Variants in CPQ observed in about 807,000 individuals in gnomAD.
CPQ encodes the protein Ser-Met dipeptidase.
In CPQ, 37 loss-of-function variants were observed where a neutral mutation model predicts 45.7. The ratio of observed to expected loss-of-function variants is 0.81; its 90% CI spans 0.62 to 1.07. The LOEUF (loss-of-function observed/expected upper bound fraction) is 1.07, where lower values mean the gene tolerates loss of function less well. Ranked by LOEUF, CPQ falls within the 50% of genes least tolerant of loss-of-function variation. CPQ has a pLI of 0.00. For synonymous variants in CPQ, 186 were observed against 205.8 expected (o/e 0.90, Z 0.82); for missense variants, 537 against 572.9 (o/e 0.94, Z 0.64).
At chr8:97,061,836 A>G (rs1394067199) in intron 6 of CPQ, among the ~76,000 whole-genome samples, 1 of 152,134 alleles carries the variant, frequency 6.6e-6, no homozygotes, top group East Asian at 1.9e-4. Flanking sequence ...GTTATGCCCT[A>G]GCCTTTACAA....
chr8:97,096,058 G>C (rs1811206213), intron 7 of CPQ, among the ~76,000 whole-genome samples: 1 of 151,556 alleles, frequency 6.6e-6, no homozygotes. Context: ...TGGTGGGGAT[G>C]ATGATGATGA....
intron 7 of CPQ, among the ~76,000 whole-genome samples, chr8:97,141,234 T>G (rs898750855): frequency 6.6e-6 from 1 of 151,832 alleles, no homozygotes; most frequent in African/African-American, 2.4e-5. Context: ...AAACACACAC[T>G]AAACAGGGTA....
Position 96,872,649 on chromosome 8 carries a change from TG to T in CPQ, c.642-7147del, listed in dbSNP as rs1285758545. 5.3e-5 allele frequency among the ~76,000 whole-genome samples: 8 copies of T among 151,890 alleles called. 1 individual carries two copies. Among genetic ancestry groups the T allele is most frequent in the Non-Finnish European group, 1.0e-4 (7 of 67,850 alleles). ...TGCAAATAAAAGAAAACTCGACTAA[TG>T]GTGGTTGTATTAGTCAGGACTATCC... On this transcript the variant is annotated intron_variant, in intron 3 of 7. Transcript: ENST00000220763.
At chr8:96,747,800 C>T (rs1193552019) in intron 1 of CPQ, among the ~76,000 whole-genome samples, 1 of 152,158 alleles carries the variant, frequency 6.6e-6, no homozygotes, top group African/African-American at 2.4e-5. Context: ...TGCTGGACTC[C>T]ATCTAGGCCT....
intron 4 of CPQ, among the ~76,000 whole-genome samples, chr8:96,944,684 T>C (rs1813166721): frequency 6.6e-6 from 1 of 152,156 alleles, no homozygotes; most frequent in Non-Finnish European, 1.5e-5. Context: ...TAATTTCCAG[T>C]GCACATGTGG....
At chr8:96,751,631 C>G (rs942771004) in intron 1 of CPQ, among the ~76,000 whole-genome samples, 7 of 152,130 alleles carry the variant, frequency 4.6e-5, no homozygotes, top group African/African-American at 1.7e-4. Context: ...TGCAGAAGCT[C>G]TTTAGTTTAA....
At chr8:96,885,377 GA>G (rs1485601644) in intron 4 of CPQ, among the ~76,000 whole-genome samples, 1 of 152,154 alleles carries the variant, frequency 6.6e-6, no homozygotes, top group East Asian at 1.9e-4. Context: ...TTGCATTGGG[GA>G]TTAAGTTCTC....
intron 2 of CPQ, among the ~76,000 whole-genome samples, chr8:96,794,506 T>A (rs1810898922): frequency 6.6e-6 from 1 of 152,212 alleles, no homozygotes; most frequent in South Asian, 2.1e-4. Flanking sequence ...AGGAGCTGCC[T>A]GAAGACCTCT....
intron 3 of CPQ, among the ~76,000 whole-genome samples, chr8:96,858,534 A>T (rs899106779): frequency 5.9e-5 from 9 of 152,204 alleles, no homozygotes; most frequent in African/African-American, 2.2e-4. Context: ...CATAACCAGA[A>T]TCACCACTGC....
At chr8:96,876,379 A>G (rs1444217921) in intron 3 of CPQ, among the ~76,000 whole-genome samples, 1 of 152,124 alleles carries the variant, frequency 6.6e-6, no homozygotes, top group Non-Finnish European at 1.5e-5. Flanking sequence ...ATCTGTGAAA[A>G]GAGATACTTT....
chr8:97,003,678 C>A (rs1809327698), intron 5 of CPQ, among the ~76,000 whole-genome samples: 1 of 152,082 alleles, frequency 6.6e-6, no homozygotes, highest in South Asian at 2.1e-4. Context: ...CCATAAGGGT[C>A]TAAGATAAGC....
At chr8:96,691,297 C>A (rs1420089837) in intron 1 of CPQ, among the ~76,000 whole-genome samples, 1 of 152,126 alleles carries the variant, frequency 6.6e-6, no homozygotes, top group African/African-American at 2.4e-5. Context: ...TATGTTCTGT[C>A]TTCTCTTCTG....
intron 3 of CPQ, among the ~76,000 whole-genome samples, chr8:96,868,242 T>G (rs531976131): frequency 2.0e-5 from 3 of 152,164 alleles, no homozygotes; most frequent in African/African-American, 7.2e-5. Context: ...GAGTGAAATC[T>G]TAGGGGCTGT....
intron 4 of CPQ, among the ~76,000 whole-genome samples, chr8:96,915,445 A>C (rs982082061): frequency 1.3e-5 from 2 of 152,236 alleles, no homozygotes; most frequent in Non-Finnish European, 2.9e-5. Context: ...GTTCACTCTG[A>C]AAATAATATT....
At chr8:97,067,241 A>G (rs1810654966) in intron 7 of CPQ, among the ~76,000 whole-genome samples, 1 of 152,090 alleles carries the variant, frequency 6.6e-6, no homozygotes, top group Non-Finnish European at 1.5e-5. Context: ...GAACAGTCTT[A>G]AAGAAGACAA....
At chr8:96,733,552 C>G (rs574984685) in intron 1 of CPQ, among the ~76,000 whole-genome samples, 14 of 152,124 alleles carry the variant, frequency 9.2e-5, no homozygotes, top group Non-Finnish European at 1.9e-4. Context: ...TTTCTTTTAA[C>G]AGCCCTGCAA....
In CPQ at chr8:96,783,191, G is replaced by T. The variant is rs142414144; in HGVS notation, c.-34-1673G>T. On this transcript the variant is annotated intron_variant, in intron 1 of 7. Transcript: ENST00000220763. ...CCCCGTTACCCAATTTCAAAGCTGC[G>T]TTCACATTTTTCGGGTATTTGTTAT... 2.3e-3 allele frequency among the ~76,000 whole-genome samples: 348 copies of T among 152,030 alleles called. 4 individuals carry two copies. Among genetic ancestry groups the T allele is most frequent in the African/African-American group, 8.2e-3 (340 of 41,462 alleles).
At chr8:97,111,364 C>T (rs1447457690) in intron 7 of CPQ, among the ~76,000 whole-genome samples, 1 of 152,162 alleles carries the variant, frequency 6.6e-6, no homozygotes, top group African/African-American at 2.4e-5. Context: ...ATTATTACAA[C>T]CTTCCCAGGA....
intron 2 of CPQ, among the ~76,000 whole-genome samples, chr8:96,793,052 A>C (rs1042802275): frequency 4.0e-5 from 6 of 151,300 alleles, no homozygotes; most frequent in African/African-American, 1.5e-4. Flanking sequence ...ATTCAGTTAC[A>C]TCCCACTGAG....
Sources: allele counts gnomAD v4.1 joint callset (sites outside exome capture counted in the v4.1 genomes callset), GRCh38; gene constraint gnomAD v4.1.1; transcripts MANE v1.5; gene names NCBI Gene and HGNC (gene_info 2026-07-23, HGNC 2026-07-21).